Variants in EEIG2 observed in about 807,000 individuals in gnomAD.
EEIG2 encodes family with sequence similarity 102 member B.
the EEIG2 span, among the ~76,000 whole-genome samples, chr1:108,562,956 G>A: frequency 6.6e-6 from 1 of 152,132 alleles, no homozygotes; most frequent in Non-Finnish European, 1.5e-5. Context: ...CTAATTGAAC[G>A]CTAGATTTTA....
the EEIG2 span, among the ~76,000 whole-genome samples, chr1:108,601,406 G>A: frequency 5.9e-5 from 9 of 151,686 alleles, no homozygotes; most frequent in Non-Finnish European, 1.2e-4. Context: ...TCTTTTCCAC[G>A]CCAGTTCTGC....
the EEIG2 span, chr1:108,629,697 A>AT: frequency 7.3e-5 from 108 of 1,483,424 alleles, no homozygotes; most frequent in Non-Finnish European, 9.9e-5. Context: ...ATATAGACTA[A>AT]TTTTTTTAAA....
chr1:108,562,728 A>G, the EEIG2 span, among the ~76,000 whole-genome samples: 2 of 152,320 alleles, frequency 1.3e-5, no homozygotes, highest in East Asian at 3.9e-4. Context: ...CCCAGTTGGC[A>G]TTTAAAGAGG....
chr1:108,571,527 T>C, the EEIG2 span, among the ~76,000 whole-genome samples: 1 of 152,026 alleles, frequency 6.6e-6, no homozygotes, highest in Non-Finnish European at 1.5e-5. Flanking sequence ...ACAGAGAAGA[T>C]TGAGGATTTA....
chr1:108,618,836 CAAA>C, the EEIG2 span, among the ~76,000 whole-genome samples: 1 of 141,396 alleles, frequency 7.1e-6, no homozygotes. Flanking sequence ...GCCCCTGTCT[CAAA>C]AAAAAAAAAA....
chr1:108,590,523 A>G, the EEIG2 span, among the ~76,000 whole-genome samples: 1 of 152,204 alleles, frequency 6.6e-6, no homozygotes, highest in South Asian at 2.1e-4. Flanking sequence ...GTAATAATTC[A>G]TTTGGTTTCC....
chr1:108,599,207 TA>T, the EEIG2 span, among the ~76,000 whole-genome samples: 1 of 152,102 alleles, frequency 6.6e-6, no homozygotes, highest in African/African-American at 2.4e-5. Context: ...TAGATCGTAA[TA>T]AAAATCTATT....
At chr1:108,575,045 T>C in the EEIG2 span, among the ~76,000 whole-genome samples, 1 of 152,190 alleles carries the variant, frequency 6.6e-6, no homozygotes, top group Admixed American at 6.5e-5. Flanking sequence ...CAGTAATTGA[T>C]TTTTATTTAA....
the EEIG2 span, chr1:108,560,623 G>A: frequency 1.3e-6 from 2 of 1,577,592 alleles, no homozygotes; most frequent in Admixed American, 1.7e-5. Flanking sequence ...TTGTTGGATG[G>A]GCAGCATCTC....
At chr1:108,601,174 T>TGTATATTTTCTTTCCC in the EEIG2 span, among the ~76,000 whole-genome samples, 1 of 152,170 alleles carries the variant, frequency 6.6e-6, no homozygotes, top group Non-Finnish European at 1.5e-5. Flanking sequence ...TTTTCTTTCC[T>TGTATATTTTCTTTCCC]GTATATTTTC....
chr1:108,583,863 G>A, the EEIG2 span, among the ~76,000 whole-genome samples: 577 of 152,136 alleles, frequency 3.8e-3, 2 homozygotes, highest in African/African-American at 0.013. Context: ...GACCTAATTA[G>A]GGCCAATGAG....
chr1:108,621,830 GTT>G, the EEIG2 span, among the ~76,000 whole-genome samples: 1 of 147,846 alleles, frequency 6.8e-6, no homozygotes. Flanking sequence ...AATGCAGGGT[GTT>G]TTTTTTTTTC....
the EEIG2 span, among the ~76,000 whole-genome samples, chr1:108,613,188 A>G: frequency 6.6e-6 from 1 of 152,236 alleles, no homozygotes; most frequent in Non-Finnish European, 1.5e-5. Context: ...GAAAAGTATC[A>G]CAATATAAAC....
chr1:108,625,865 T>C, the EEIG2 span: 1 of 152,162 alleles, frequency 6.6e-6, no homozygotes, highest in African/African-American at 2.4e-5. Context: ...AGATGATATA[T>C]GTACCACACA....
the EEIG2 span, chr1:108,639,204 A>G: frequency 1.6e-4 from 24 of 147,044 alleles, no homozygotes; most frequent in African/African-American, 5.2e-4. Context: ...TGTTTCAACT[A>G]TCCAGTGATA....
the EEIG2 span, chr1:108,600,562 T>A: frequency 1.9e-6 from 3 of 1,611,220 alleles, no homozygotes; most frequent in South Asian, 3.3e-5. Flanking sequence ...TTTCTTTCCT[T>A]CAGGGAGGTG....
chr1:108,629,575 AT>A, the EEIG2 span: 1 of 1,583,416 alleles, frequency 6.3e-7, no homozygotes, highest in South Asian at 1.1e-5. Flanking sequence ...AACATTTTAA[AT>A]GTGTATTGCA....
At chr1:108,575,028 G>A in the EEIG2 span, among the ~76,000 whole-genome samples, 1 of 152,124 alleles carries the variant, frequency 6.6e-6, no homozygotes. Flanking sequence ...ACACATATGG[G>A]CTTAAACAGT....
the EEIG2 span, among the ~76,000 whole-genome samples, chr1:108,611,670 C>CA: frequency 6.6e-6 from 1 of 152,316 alleles, no homozygotes; most frequent in South Asian, 2.1e-4. Context: ...CCAGTTCTTG[C>CA]ATGGGAAGTG....
Sources: allele counts gnomAD v4.1 joint callset (sites outside exome capture counted in the v4.1 genomes callset), GRCh38; gene constraint gnomAD v4.1.1; transcripts MANE v1.5; gene names NCBI Gene and HGNC (gene_info 2026-07-23, HGNC 2026-07-21).